SLC13A2: variants seen among roughly 807,000 people sequenced by gnomAD.
SLC13A2 encodes solute carrier family 13 member 2, also known as Na(+)-coupled citrate transporter.
A neutral mutation model predicts 58.5 loss-of-function variants in SLC13A2; 40 were observed. The ratio of observed to expected loss-of-function variants is 0.68; its 90% CI spans 0.53 to 0.89. The LOEUF is 0.89. Among genes scored for constraint, SLC13A2 ranks in the 40% least tolerant of loss-of-function variants. SLC13A2 has a pLI of 0.00. For synonymous variants in SLC13A2, 341 were observed against 331.6 expected, an observed-to-expected ratio of 1.03 and a Z score of -0.31; for missense variants, 694 against 772.6, an observed-to-expected ratio of 0.90 and a Z score of 1.21.
Position 28,494,661 on chromosome 17 carries a change from G to A in SLC13A2, c.1308+149G>A. The A allele has an allele frequency of 8.6e-7, 1 of 1,168,388 alleles. No individual in the cohort carries two copies. Among genetic ancestry groups the A allele is most frequent in the Non-Finnish European group, 1.2e-6 (1 of 842,226 alleles). 72.4% of individuals were successfully genotyped at this position (1,168,388 alleles called of 1,614,324 possible). On this transcript the variant is annotated intron_variant, in intron 9 of 11. Coordinates refer to ENST00000314669, the MANE Select transcript of SLC13A2 (RefSeq NM_003984.4). The surrounding 1 kb of genome is among the most constrained non-coding windows in gnomAD (Gnocchi z 4.0). ...GCAGAGCCTTTGCAGCAGCTGGGAA[G>A]ACTTAGGTTAGAGCCCTCATGTGGG...
At chr17:28,495,860 C>T (rs2069132217) in intron 10 of SLC13A2, 44 bp downstream of exon 10, 1 of 1,590,138 alleles carries the variant, frequency 6.3e-7, no homozygotes, top group Non-Finnish European at 8.6e-7. Flanking sequence ...AGCCCGCCTG[C>T]CTGCCCCACC....
intron 1 of SLC13A2, among the ~76,000 whole-genome samples, chr17:28,477,192 TG>T (rs368149633): frequency 0.33 from 39,061 of 117,984 alleles, 8,067 homozygotes; most frequent in Non-Finnish European, 0.38. Context: ...CCAAGTTTTT[TG>T]TTTTTTTTTT....
intron 1 of SLC13A2, among the ~76,000 whole-genome samples, chr17:28,483,857 C>T (rs988138695): frequency 2.6e-5 from 4 of 152,168 alleles, no homozygotes; most frequent in Non-Finnish European, 4.4e-5. Flanking sequence ...AGCAGTAAAG[C>T]GGGGACTCAG....
In SLC13A2 at chr17:28,477,440, C is replaced by T. The variant is rs537292164; in HGVS notation, c.102+3626C>T. The stretch of plus-strand genomic sequence containing the variant: ...TGATCTCCTGACCTCGTGATCCGCC[C>T]GCCTTGGCCTCCCAAAGTGCTGGGA... On this transcript the variant is annotated intron_variant, in intron 1 of 11. Coordinates refer to ENST00000314669, the MANE Select transcript of SLC13A2 (RefSeq NM_003984.4). 3.8e-3 allele frequency among the ~76,000 whole-genome samples: 578 copies of T among 151,802 alleles called. 1 individual carries two copies. Among genetic ancestry groups the T allele is most frequent in the Non-Finnish European group, 5.7e-3 (386 of 67,960 alleles).
At chr17:28,491,883 G>A (rs782534929) in intron 6 of SLC13A2, 31 bp downstream of exon 6, 1 of 1,610,086 alleles carries the variant, frequency 6.2e-7, no homozygotes, top group Non-Finnish European at 8.5e-7. Context: ...GAGAAGCCCA[G>A]GTCCCTGCCC....
At chr17:28,486,656 C>G (rs1283384354) in intron 1 of SLC13A2, among the ~76,000 whole-genome samples, 1 of 152,074 alleles carries the variant, frequency 6.6e-6, no homozygotes, top group Non-Finnish European at 1.5e-5. Context: ...TGAGAGGCCC[C>G]CTGGGTCAGG....
intron 1 of SLC13A2, among the ~76,000 whole-genome samples, chr17:28,476,915 G>A (rs1370412901): frequency 2.0e-5 from 3 of 151,980 alleles, no homozygotes; most frequent in Non-Finnish European, 2.9e-5. Flanking sequence ...CTAGCACTTT[G>A]GGAGGCCAAG....
Position 28,497,569 on chromosome 17 carries a change from T to A in SLC13A2, c.*300T>A. 1 of 432,196 alleles carries A rather than the reference T, an allele frequency of 2.3e-6. No homozygotes were observed. The highest frequency in any genetic ancestry group is 4.2e-6 in the Non-Finnish European group (1 of 236,398). The allele number at this position is 432,196 out of a possible 1,614,324, so 26.8% of individuals were successfully genotyped here. A position where few individuals can be genotyped will look rare whatever the true frequency, so the allele number is the denominator to read the frequency against. On this transcript the variant is annotated 3_prime_UTR_variant, in exon 12 of 12. Transcript: ENST00000314669. ...GCATGCACATGATCCTAGGTATGTA[T>A]GTTGGACAGTGCACACGTGTGTGTT...
intron 1 of SLC13A2, among the ~76,000 whole-genome samples, chr17:28,483,328 G>C (rs1333097655): frequency 2.0e-5 from 3 of 152,116 alleles, no homozygotes; most frequent in African/African-American, 7.2e-5. Flanking sequence ...AGGCTACAAT[G>C]CTTTAAAACT....
rs782423474 is a variant in SLC13A2 at position 28,493,804 on chromosome 17, G to A, written c.1097+15G>A. On this transcript the variant is annotated intron_variant, in intron 7 of 11. Coordinates refer to ENST00000314669, the MANE Select transcript of SLC13A2 (RefSeq NM_003984.4). Reference sequence around the variant, plus strand: ...AAGGGGGAGAGGTGAGAGTTGCAGGGGTTGGGAGGAGGACACATCTGGGGC... The same window carrying A: ...AAGGGGGAGAGGTGAGAGTTGCAGGAGTTGGGAGGAGGACACATCTGGGGC... 6 of 1,613,848 alleles carry A rather than the reference G, an allele frequency of 3.7e-6. No individual in the cohort carries two copies. Among genetic ancestry groups the A allele is most frequent in the Non-Finnish European group, 5.1e-6 (6 of 1,179,828 alleles).
intron 1 of SLC13A2, among the ~76,000 whole-genome samples, chr17:28,477,419 C>A (rs1350818615): frequency 6.6e-6 from 1 of 151,886 alleles, no homozygotes; most frequent in African/African-American, 2.4e-5. Flanking sequence ...TGGTCTTGAT[C>A]TCCTGACCTC....
chr17:28,476,335 G>T (rs1328566088), intron 1 of SLC13A2, among the ~76,000 whole-genome samples: 2 of 151,970 alleles, frequency 1.3e-5, no homozygotes, highest in African/African-American at 2.4e-5. Context: ...TTGTGAGGAC[G>T]AGGCGGGAGA....
chr17:28,496,737 C>A lies in SLC13A2; in HGVS notation c.1608+150C>A. 1 of 1,117,042 alleles carries A rather than the reference C, an allele frequency of 9.0e-7. No individual in the cohort carries two copies. 69.2% of individuals were successfully genotyped at this position (1,117,042 alleles called of 1,614,324 possible). ...GAAGGTGCAGTTGGGGAGGTTGGGA[C>A]ATGACCTCTCAGTGGTGGCATCTTC... On this transcript the variant is annotated intron_variant, in intron 11 of 11. Coordinates refer to ENST00000314669, the MANE Select transcript of SLC13A2 (RefSeq NM_003984.4). This position sits in a 1 kb window ranked among gnomAD's most constrained non-coding sequence, Gnocchi z 4.2.
At chr17:28,479,603 C>G (rs1236685300) in intron 1 of SLC13A2, among the ~76,000 whole-genome samples, 1 of 152,202 alleles carries the variant, frequency 6.6e-6, no homozygotes, top group African/African-American at 2.4e-5. Flanking sequence ...CAACATTGGC[C>G]AGGACAGAAT....
intron 2 of SLC13A2, among the ~76,000 whole-genome samples, chr17:28,489,859 T>C (rs1198964334): frequency 6.6e-6 from 1 of 152,190 alleles, no homozygotes; most frequent in African/African-American, 2.4e-5. Context: ...AAAGTATCTA[T>C]CTCCCAGTCC....
chr17:28,492,515 AAGACGTGTTCG>A (rs2069048828), intron 6 of SLC13A2, among the ~76,000 whole-genome samples: 1 of 152,244 alleles, frequency 6.6e-6, no homozygotes, highest in Admixed American at 6.5e-5. Flanking sequence ...GAGGCAAGAC[AAGACGTGTTCG>A]AGGGAACTCT....
At chr17:28,473,862 G>C in intron 1 of SLC13A2, 48 bp downstream of exon 1, 1 of 1,524,088 alleles carries the variant, frequency 6.6e-7, no homozygotes, top group Non-Finnish European at 9.0e-7. Flanking sequence ...GGGCAGAGGA[G>C]GGACTGTCTG....
At chr17:28,478,041 G>C (rs1017025824) in intron 1 of SLC13A2, among the ~76,000 whole-genome samples, 7 of 151,928 alleles carry the variant, frequency 4.6e-5, no homozygotes, top group Admixed American at 1.3e-4. Context: ...CTAGGAGACA[G>C]AGCAAGGCTC....
chr17:28,491,643 T>C, intron 5 of SLC13A2, 26 bp downstream of exon 5: 1 of 1,609,920 alleles, frequency 6.2e-7, no homozygotes, highest in Admixed American at 1.7e-5. Flanking sequence ...TGGGCCACCT[T>C]GGGGGATCTG....
Sources: allele counts gnomAD v4.1 joint callset (sites outside exome capture counted in the v4.1 genomes callset), GRCh38; gene constraint gnomAD v4.1.1; non-coding constraint Gnocchi (gnomAD v3.1); transcripts MANE v1.5; gene names NCBI Gene and HGNC (gene_info 2026-07-23, HGNC 2026-07-21).